The following COL5A1 variants were observed in gnomAD, a reference collection of about 807,000 sequenced individuals.
COL5A1 encodes the protein collagen type V alpha 1 chain.
Under a neutral mutation model 263.7 loss-of-function variants are expected in COL5A1, and 16 were observed. The ratio of observed to expected loss-of-function variants is 0.06; its 90% CI spans 0.04 to 0.09. COL5A1 has a LOEUF of 0.09. Ranked by LOEUF, COL5A1 falls within the 10% of genes least tolerant of loss-of-function variation. The pLI is 1.00. For missense variants in COL5A1, 2,036 were observed against 2,540.5 expected, an observed-to-expected ratio of 0.80 and a Z score of 4.27; for synonymous variants, 1,012 against 1,004.5, an observed-to-expected ratio of 1.01 and a Z score of -0.14.
At chr9:134,734,933 G>T (rs768921256) in intron 9 of COL5A1, among the ~76,000 whole-genome samples, 3 of 152,154 alleles carry the variant, frequency 2.0e-5, no homozygotes, top group African/African-American at 7.2e-5. Flanking sequence ...GCATTCGGCC[G>T]GGTGCGGTGG....
Position 134,785,047 on chromosome 9 carries a change from G to A in COL5A1, c.2543G>A (p.Arg848His), listed in dbSNP as rs767925708. The part of the protein sequence containing the change: ...GEDGPEGPKG[R>H]GGPNGDPGPL... ...GATGGCCCTGAAGGCCCAAAGGGTC[G>A]CGGAGGTCCCAATGGTGACCCCGGT... The change falls in exon 30 of 66, where the codon CGC (arginine) becomes CAC (histidine). Residue 848 changes from arginine to histidine, a missense_variant. Arg to His is a conservative substitution (Grantham distance 29). Transcript: ENST00000371817. 12 of 1,613,280 alleles carry A rather than the reference G, an allele frequency of 7.4e-6. No individual in the cohort carries two copies. Among genetic ancestry groups the A allele is most frequent in the South Asian group, 3.3e-5 (3 of 91,088 alleles).
At chr9:134,784,511 G>A (rs1237609882) in intron 29 of COL5A1, among the ~76,000 whole-genome samples, 1 of 152,228 alleles carries the variant, frequency 6.6e-6, no homozygotes, top group African/African-American at 2.4e-5. Context: ...GCCTCCTGAG[G>A]CCCTCCCGTG....
At chr9:134,735,467 G>A (rs1033043188) in intron 9 of COL5A1, among the ~76,000 whole-genome samples, 8 of 152,134 alleles carry the variant, frequency 5.3e-5, no homozygotes, top group African/African-American at 1.9e-4. Context: ...TGGCGTCCGT[G>A]GTTGGGTGGG....
chr9:134,833,362 G>A lies in COL5A1; in HGVS notation c.5137-1609G>A, dbSNP rs541891022. On this transcript the variant is annotated intron_variant, in intron 64 of 65. Coordinates refer to ENST00000371817, the MANE Select transcript of COL5A1 (RefSeq NM_000093.5). Reference sequence around the variant, plus strand: ...CAGCCCAGTCCTGGATACCCAGCTAGTGATGCTGGAGAGGCCACCTAAGAA... The same window carrying A: ...CAGCCCAGTCCTGGATACCCAGCTAATGATGCTGGAGAGGCCACCTAAGAA... Among the ~76,000 whole-genome samples the A allele has an allele frequency of 2.0e-3, 306 of 152,366 alleles. 1 individual carries two copies. Among genetic ancestry groups the A allele is most frequent in the African/African-American group, 7.1e-3 (297 of 41,590 alleles).
chr9:134,832,672 T>A (rs1487451083), intron 64 of COL5A1: 1 of 152,226 alleles, frequency 6.6e-6, no homozygotes, highest in Non-Finnish European at 1.5e-5. Flanking sequence ...CTCGAGTCAG[T>A]CACGTTCCCT....
chr9:134,706,319 G>C (rs1157398775), intron 4 of COL5A1, among the ~76,000 whole-genome samples: 1 of 152,194 alleles, frequency 6.6e-6, no homozygotes, highest in African/African-American at 2.4e-5. Context: ...CACCGTGCAG[G>C]AAGGGGAAGG....
intron 63 of COL5A1, among the ~76,000 whole-genome samples, chr9:134,827,488 C>T (rs1379047390): frequency 1.3e-5 from 2 of 152,252 alleles, no homozygotes; most frequent in Non-Finnish European, 2.9e-5. Context: ...CCAGAGGCCC[C>T]GCGTGGAATT....
chr9:134,823,392 G>GTTGA (rs1172513981), intron 60 of COL5A1, 24 bp from the exon 61 acceptor site: 1 of 1,614,078 alleles, frequency 6.2e-7, no homozygotes, highest in Non-Finnish European at 8.5e-7. Context: ...GTGACCAAGG[G>GTTGA]TTGATTCTTT....
In COL5A1 at chr9:134,738,460, C is replaced by G. The variant is rs750785912; in HGVS notation, c.1390-14C>G. 1.2e-5 allele frequency: 20 copies of G among 1,613,906 alleles called. No homozygotes were observed. Among genetic ancestry groups the G allele is most frequent in the Admixed American group, 1.7e-5 (1 of 60,010 alleles). On this transcript the variant is annotated splice_polypyrimidine_tract_variant and intron_variant, in intron 9 of 65. Transcript: ENST00000371817. The stretch of plus-strand genomic sequence containing the variant: ...TGGGCTGCGGTCTCAGACGCCCTCT[C>G]TCTGTCTCCCCAGGGCATGCTCATC...
chr9:134,761,349 G>A (rs543653386), intron 18 of COL5A1, among the ~76,000 whole-genome samples: 33 of 152,256 alleles, frequency 2.2e-4, no homozygotes, highest in South Asian at 8.3e-4. Flanking sequence ...GATTGCTCCC[G>A]TAAGCATGCC....
At position 134,642,228 on chromosome 9, in the gene COL5A1, G is replaced by T. The variant is rs1399334659; in HGVS notation, c.41G>T (p.Arg14Leu). Residue 14 changes from arginine (R) to leucine (L), a missense_variant, in exon 1 of 66, where the codon CGC becomes CTC. By Grantham distance (102) the Arg-to-Leu change is moderately radical (BLOSUM62 -2). This residue lies in a region of COL5A1 where 600 missense variants were observed against 634.5 expected (regional missense o/e 0.95). Coordinates refer to ENST00000371817, the MANE Select transcript of COL5A1 (RefSeq NM_000093.5). The surrounding 1 kb of genome is among the most constrained non-coding windows in gnomAD (Gnocchi z 4.5). ...CGCTGGAAAGCGCGCAGCGCGCTCC[G>T]CCCGGGCGCCCCGCTGCTGCCCCCG... The part of the protein sequence containing the change: ...HTRWKARSAL[R>L]PGAPLLPPLL... The T allele has an allele frequency of 1.5e-6, 2 of 1,296,330 alleles. No homozygotes were observed. The highest frequency in any genetic ancestry group is 1.5e-5 in the African/African-American group (1 of 64,686). 80.3% of individuals were successfully genotyped at this position (1,296,330 alleles called of 1,614,324 possible). A position where few individuals can be genotyped will look rare whatever the true frequency, so the allele number is the denominator to read the frequency against.
At position 134,680,986 on chromosome 9, in the gene COL5A1, T is replaced by C. The variant is rs1186207411; in HGVS notation, c.110-9926T>C. On this transcript the variant is annotated intron_variant, in intron 1 of 65. Coordinates refer to ENST00000371817, the MANE Select transcript of COL5A1 (RefSeq NM_000093.5). This position sits in a 1 kb window ranked among gnomAD's most constrained non-coding sequence, Gnocchi z 5.9. The stretch of plus-strand genomic sequence containing the variant: ...CGGGCCATCTGCCATCCTCCCAGGA[T>C]GGTGTCCTCGGCCTGTGCTGCAGCC... Among the ~76,000 whole-genome samples, 2 of 152,158 alleles carry C rather than the reference T, an allele frequency of 1.3e-5. No homozygotes were observed. Among genetic ancestry groups the C allele is most frequent in the Non-Finnish European group, 2.9e-5 (2 of 68,014 alleles).
At position 134,741,145 on chromosome 9, in the gene COL5A1, G is replaced by A. The variant is rs1835288056; in HGVS notation, c.1494+2337G>A. ...CGCTAATCAGCTGTGAAAGATCACT[G>A]GCTATGGGGTGAGGCCCTGCAGTGC... On this transcript the variant is annotated intron_variant, in intron 11 of 65. Coordinates refer to ENST00000371817, the MANE Select transcript of COL5A1 (RefSeq NM_000093.5). The surrounding 1 kb of genome is among the most constrained non-coding windows in gnomAD (Gnocchi z 4.5). Among the ~76,000 whole-genome samples, 1 of 152,222 alleles carries A rather than the reference G, an allele frequency of 6.6e-6. No homozygotes were observed. The highest frequency in any genetic ancestry group is 2.1e-4 in the South Asian group (1 of 4,834).
chr9:134,766,360 G>T (rs1319296756), intron 21 of COL5A1, 94 bp from the exon 22 acceptor site: 2 of 1,236,834 alleles, frequency 1.6e-6, no homozygotes, highest in Non-Finnish European at 2.4e-6. Flanking sequence ...TCGTGGGATG[G>T]GCGTCTGAGC....
intron 18 of COL5A1, among the ~76,000 whole-genome samples, chr9:134,759,407 ACACACACCCACACTCATACACACATG>A (rs1179875563): frequency 4.2e-5 from 3 of 72,098 alleles, no homozygotes; most frequent in Non-Finnish European, 8.4e-5. Flanking sequence ...ATACACACCC[ACACACACCCACACTCATACACACATG>A]CACACACCCA....
intron 48 of COL5A1, among the ~76,000 whole-genome samples, chr9:134,813,513 G>C (rs1838620009): frequency 6.6e-6 from 1 of 152,218 alleles, no homozygotes; most frequent in Admixed American, 6.5e-5. Flanking sequence ...TCTGCTCAGA[G>C]AGGCGGTGTT....
At chr9:134,724,899 G>GGGTGAACCAGGCTCC (rs1834592409) in intron 4 of COL5A1, among the ~76,000 whole-genome samples, 1 of 151,988 alleles carries the variant, frequency 6.6e-6, no homozygotes, top group African/African-American at 2.4e-5. Context: ...AACCAGGCTC[G>GGGTGAACCAGGCTCC]GGTGAACCAG....
intron 4 of COL5A1, among the ~76,000 whole-genome samples, chr9:134,710,302 T>C (rs1040596891): frequency 1.3e-5 from 2 of 152,216 alleles, no homozygotes; most frequent in Non-Finnish European, 2.9e-5. Flanking sequence ...ATGATGGTAG[T>C]CATAGTGATT....
In COL5A1 at chr9:134,814,900, G is replaced by A; in HGVS notation, c.4010G>A (p.Ser1337Asn). 1 of 1,550,376 alleles carries A rather than the reference G, an allele frequency of 6.5e-7. No individual in the cohort carries two copies. The highest frequency in any genetic ancestry group is 8.7e-7 in the Non-Finnish European group (1 of 1,146,542). Residue 1337 changes from serine to asparagine, a missense_variant, in exon 50 of 66, where the codon AGC (serine) becomes AAC (asparagine). This residue lies in a region of COL5A1 where 1,078 missense variants were observed against 1,521.4 expected (regional missense o/e 0.71). Transcript: ENST00000371817. ...CCCGGAGATGATGGTCCCAAAGGCA[G>A]CCCTGTGAGTATTCCAGACACACCT... Reference protein sequence around the residue: ...GPPGDDGPKGSPGPVGFPGDP... With the variant: ...GPPGDDGPKGNPGPVGFPGDP...
Sources: allele counts gnomAD v4.1 joint callset (sites outside exome capture counted in the v4.1 genomes callset), GRCh38; gene constraint gnomAD v4.1.1; regional missense constraint gnomAD v4.1.1; non-coding constraint Gnocchi (gnomAD v3.1); transcripts MANE v1.5; gene names NCBI Gene and HGNC (gene_info 2026-07-23, HGNC 2026-07-21).